The following SMYD3 variants were observed in gnomAD, a reference collection of about 807,000 sequenced individuals.
SMYD3 encodes the protein histone-lysine N-methyltransferase SMYD3.
In SMYD3, 36 loss-of-function variants were observed where a neutral mutation model predicts 57.7. That is an observed-to-expected ratio of 0.62 (90% CI 0.48 to 0.82). The LOEUF is 0.82. Among genes scored for constraint, SMYD3 ranks in the 40% least tolerant of loss-of-function variants. SMYD3 has a pLI of 0.00. For synonymous variants in SMYD3, 211 were observed against 195.0 expected (o/e 1.08, Z -0.68); for missense variants, 515 against 538.8 (o/e 0.96, Z 0.44).
At chr1:245,912,346 T>TA (rs1443833170) in intron 8 of SMYD3, among the ~76,000 whole-genome samples, 2 of 151,944 alleles carry the variant, frequency 1.3e-5, no homozygotes, top group African/African-American at 2.4e-5. Flanking sequence ...AAAACATTGA[T>TA]AAAAGAAACT....
chr1:246,243,875 A>G (rs919161382), intron 5 of SMYD3, among the ~76,000 whole-genome samples: 1 of 151,652 alleles, frequency 6.6e-6, no homozygotes, highest in African/African-American at 2.4e-5. Context: ...GTTTTGTAAA[A>G]GGTGGGGATT....
intron 5 of SMYD3, among the ~76,000 whole-genome samples, chr1:246,210,706 A>G (rs2063071825): frequency 6.6e-6 from 1 of 151,828 alleles, no homozygotes; most frequent in African/African-American, 2.4e-5. Context: ...GCGAAACTAA[A>G]AAAAAAAAAA....
chr1:245,830,459 C>T (rs2049768620), intron 10 of SMYD3, among the ~76,000 whole-genome samples: 1 of 152,194 alleles, frequency 6.6e-6, no homozygotes. Context: ...ATTATCTCCA[C>T]CTGGCCCTGC....
chr1:246,486,466 T>C (rs2068189641), intron 1 of SMYD3, among the ~76,000 whole-genome samples: 1 of 152,202 alleles, frequency 6.6e-6, no homozygotes, highest in Non-Finnish European at 1.5e-5. Flanking sequence ...TGATATTTAA[T>C]CTCTAAAATA....
At chr1:246,186,013 G>C (rs182469931) in intron 5 of SMYD3, among the ~76,000 whole-genome samples, 22 of 151,966 alleles carry the variant, frequency 1.4e-4, no homozygotes, top group Admixed American at 4.6e-4. Context: ...GGTTTGTCTC[G>C]GTCAAATCTC....
At chr1:246,058,117 C>T (rs573833626) in intron 5 of SMYD3, among the ~76,000 whole-genome samples, 24 of 152,296 alleles carry the variant, frequency 1.6e-4, no homozygotes, top group African/African-American at 4.6e-4. Context: ...ACAGGTGAGG[C>T]ACAGAGCACC....
intron 2 of SMYD3, among the ~76,000 whole-genome samples, chr1:246,342,560 T>C (rs1255143411): frequency 9.2e-5 from 14 of 152,202 alleles, no homozygotes; most frequent in Admixed American, 9.2e-4. Context: ...CAGGTATTGA[T>C]TAAGATCTTG....
chr1:245,893,860 T>C (rs1292150722), intron 8 of SMYD3, among the ~76,000 whole-genome samples: 1 of 152,222 alleles, frequency 6.6e-6, no homozygotes, highest in Admixed American at 6.5e-5. Flanking sequence ...TACACTCCAA[T>C]TCTTTAAAAA....
chr1:246,021,418 C>A (rs140670658), intron 5 of SMYD3, among the ~76,000 whole-genome samples: 92 of 152,266 alleles, frequency 6.0e-4, no homozygotes, highest in Middle Eastern at 3.4e-3. Flanking sequence ...GCCACAGAGC[C>A]CCTGACACAG....
At chr1:246,403,920 C>G (rs1389542418) in intron 1 of SMYD3, among the ~76,000 whole-genome samples, 1 of 152,188 alleles carries the variant, frequency 6.6e-6, no homozygotes, top group Admixed American at 6.5e-5. Context: ...TGAAACGTCT[C>G]AGATACCCTG....
chr1:245,979,663 C>G (rs1415883164), intron 5 of SMYD3, among the ~76,000 whole-genome samples: 2 of 152,254 alleles, frequency 1.3e-5, no homozygotes, highest in South Asian at 2.1e-4. Flanking sequence ...GACCTTTACC[C>G]TCAGAATTGT....
chr1:245,749,714 A>C, intron 11 of SMYD3, 50 bp from the exon 12 acceptor site: 2 of 1,455,998 alleles, frequency 1.4e-6, no homozygotes, highest in African/African-American at 1.4e-5. Flanking sequence ...AGGTGAGCTC[A>C]GGCCATTCCC....
At chr1:245,749,729 T>G (rs1214171496) in intron 11 of SMYD3, 65 bp from the exon 12 acceptor site, 3 of 1,295,840 alleles carry the variant, frequency 2.3e-6, no homozygotes, top group Non-Finnish European at 3.3e-6. Flanking sequence ...ATTCCCCACC[T>G]TTACCCCATG....
At position 246,243,466 on chromosome 1, in the gene SMYD3, T is replaced by C. The variant is rs181575183; in HGVS notation, c.531+83735A>G. Among the ~76,000 whole-genome samples the C allele has an allele frequency of 1.8e-4, 27 of 150,358 alleles. No individual in the cohort carries two copies. The East Asian group carries it at 5.3e-3, about 30-fold the overall frequency. ...TTCAGCTTTGTGAATAATGTTTTTATCATTTCATTGACTATTTCCACCCCT... is the reference window on the plus strand; with the variant it reads ...TTCAGCTTTGTGAATAATGTTTTTACCATTTCATTGACTATTTCCACCCCT... On this transcript the variant is annotated intron_variant, in intron 5 of 11. Transcript: ENST00000490107.
chr1:246,390,312 T>C (rs528558160), intron 1 of SMYD3, among the ~76,000 whole-genome samples: 25 of 151,058 alleles, frequency 1.7e-4, no homozygotes, highest in African/African-American at 4.9e-4. Context: ...GTATATTATA[T>C]ACTGTATTTT....
At chr1:246,223,511 A>G (rs1033123164) in intron 5 of SMYD3, among the ~76,000 whole-genome samples, 3 of 152,074 alleles carry the variant, frequency 2.0e-5, no homozygotes, top group African/African-American at 7.3e-5. Context: ...TGCTTTAGGG[A>G]GGCATATAGC....
Position 246,002,338 on chromosome 1 carries a change from C to T in SMYD3, c.532-72401G>A, listed in dbSNP as rs546469486. 2.0e-3 allele frequency among the ~76,000 whole-genome samples: 130 copies of T among 66,236 alleles called. 5 individuals carry two copies. The highest frequency in any genetic ancestry group is 8.8e-3 in the South Asian group (16 of 1,820). The allele number at this position is 66,236 out of a possible 152,430, so 43.5% of individuals were successfully genotyped here. On this transcript the variant is annotated intron_variant, in intron 5 of 11. Transcript: ENST00000490107. ...TAGCTGGGACTGCAGGCTCCCGCCA[C>T]CACGCCCGGCTAATTTTTTGTATTT...
At chr1:246,450,555 G>T (rs1193524997) in intron 1 of SMYD3, among the ~76,000 whole-genome samples, 1 of 152,154 alleles carries the variant, frequency 6.6e-6, no homozygotes, top group Non-Finnish European at 1.5e-5. Flanking sequence ...GGAATTCATC[G>T]AATGGTATAC....
At chr1:245,961,178 G>A (rs2057996352) in intron 5 of SMYD3, among the ~76,000 whole-genome samples, 1 of 152,160 alleles carries the variant, frequency 6.6e-6, no homozygotes, top group Non-Finnish European at 1.5e-5. Context: ...CTACCACAAA[G>A]GCACTTCTCT....
Sources: gnomAD v4.1 joint callset for allele counts (sites outside exome capture counted in the v4.1 genomes callset) on GRCh38, gnomAD v4.1.1 for gene constraint, MANE v1.5 for transcripts, NCBI Gene and HGNC (gene_info 2026-07-23, HGNC 2026-07-21) for gene names.